Variants in PIGB observed in about 807,000 individuals in gnomAD.
PIGB encodes the protein GPI alpha-1,2-mannosyltransferase 3.
PIGB carries 58 observed loss-of-function variants against 68.4 expected under a neutral mutation model. That is an observed-to-expected ratio of 0.85 (90% CI 0.69 to 1.06). PIGB has a LOEUF of 1.06. Ranked by LOEUF, PIGB falls within the 50% of genes least tolerant of loss-of-function variation. The pLI, the probability that PIGB is intolerant of heterozygous loss-of-function variation, is 0.00. For missense variants in PIGB, 634 were observed against 655.8 expected (o/e 0.97, Z 0.36); for synonymous variants, 219 against 220.5 (o/e 0.99, Z 0.06).
At chr15:55,337,574 C>G (rs556917746) in intron 6 of PIGB, among the ~76,000 whole-genome samples, 16 of 152,314 alleles carry the variant, frequency 1.1e-4, no homozygotes, top group African/African-American at 3.8e-4. Flanking sequence ...GCCCCACTCC[C>G]ACCCCCGCAA....
chr15:55,322,166 C>A (rs1237711020), intron 3 of PIGB, among the ~76,000 whole-genome samples: 4 of 151,888 alleles, frequency 2.6e-5, no homozygotes, highest in Non-Finnish European at 4.4e-5. Flanking sequence ...AAAAGCGAAA[C>A]TCCTTCCCCC....
At chr15:55,339,871 G>T (rs1418427261) in intron 7 of PIGB, among the ~76,000 whole-genome samples, 1 of 152,150 alleles carries the variant, frequency 6.6e-6, no homozygotes, top group Non-Finnish European at 1.5e-5. Flanking sequence ...GTGGGGAAGG[G>T]TGAGAGAGGG....
chr15:55,340,631 A>G lies in PIGB; in HGVS notation c.866A>G (p.Asn289Ser). 1.9e-6 allele frequency: 3 copies of G among 1,611,020 alleles called. No homozygotes were observed. The highest frequency in any genetic ancestry group is 2.5e-6 in the Non-Finnish European group (3 of 1,178,402). Residue 289 changes from asparagine to serine, a missense_variant, in exon 8 of 12, where the codon AAT (asparagine) becomes AGT (serine). Physicochemically the swap from Asn to Ser is conservative, Grantham distance 46. Coordinates refer to ENST00000164305, the MANE Select transcript of PIGB (RefSeq NM_004855.5). ...TGCCAGTGGACTCTGGTTCAATTTA[A>G]TTTTTTGAAATTTAACGTGCTGCAG... ...FFGQWTLVQF[N>S]FLKFNVLQNW...
At chr15:55,338,919 A>C (rs1343766296) in intron 6 of PIGB, among the ~76,000 whole-genome samples, 1 of 152,236 alleles carries the variant, frequency 6.6e-6, no homozygotes, top group Non-Finnish European at 1.5e-5. Flanking sequence ...ACCTCGAGCC[A>C]GAGGCACCCA....
rs1566949004 is a variant in PIGB at position 55,327,636 on chromosome 15, G to GT, written c.522+2dup. ...AAATCAGGAAGTGGCAAGATGGGTG[G>GT]TAAGTCCTAAATACTTTAGAAGCTG... On this transcript the variant is annotated splice_donor_variant, in intron 4 of 11. Transcript: ENST00000164305. LOFTEE classifies it high-confidence loss of function. The GT allele has an allele frequency of 3.2e-6, 5 of 1,567,968 alleles. No individual in the cohort carries two copies. The highest frequency in any genetic ancestry group is 4.4e-6 in the Non-Finnish European group (5 of 1,139,920).
chr15:55,319,671 A>G, intron 1 of PIGB: 1 of 328,558 alleles, frequency 3.0e-6, no homozygotes, highest in Non-Finnish European at 5.6e-6. Context: ...CTTTGGAGAC[A>G]TCACACAGAC....
rs1178942763 is a variant in PIGB at position 55,320,302 on chromosome 15, T to C, written c.191T>C (p.Leu64Pro). 6.2e-7 allele frequency: 1 copy of C among 1,613,082 alleles called. No individual in the cohort carries two copies. The highest frequency in any genetic ancestry group is 8.5e-7 in the Non-Finnish European group (1 of 1,179,394). Residue 64 changes from leucine to proline, a missense_variant, in exon 2 of 12, where the codon CTC becomes CCC. Coordinates refer to ENST00000164305, the MANE Select transcript of PIGB (RefSeq NM_004855.5). ...CTTCTTGGAGAAAATATTTATCTGC[T>C]CTTGTTTACCATAGCTTTACGAATA... is the stretch of plus-strand genomic sequence containing the variant. ...GDLLGENIYL[L>P]LFTIALRILN...
intron 3 of PIGB, chr15:55,324,869 G>C: frequency 2.2e-6 from 2 of 924,196 alleles, no homozygotes; most frequent in Non-Finnish European, 2.6e-6. Flanking sequence ...GTATTTTACA[G>C]GGCACAGTTT....
intron 2 of PIGB, among the ~76,000 whole-genome samples, chr15:55,320,795 G>A (rs559122421): frequency 6.6e-5 from 10 of 152,232 alleles, no homozygotes; most frequent in Admixed American, 2.0e-4. Flanking sequence ...CCACAGATAA[G>A]GGGGGACTAC....
intron 5 of PIGB, among the ~76,000 whole-genome samples, chr15:55,331,510 T>C (rs1396540347): frequency 6.6e-6 from 1 of 152,050 alleles, no homozygotes; most frequent in South Asian, 2.1e-4. Flanking sequence ...GGTCGGGAGT[T>C]CGAGACCAGC....
At chr15:55,344,607 C>T (rs1450748512) in intron 9 of PIGB, among the ~76,000 whole-genome samples, 2 of 152,158 alleles carry the variant, frequency 1.3e-5, no homozygotes, top group Non-Finnish European at 2.9e-5. Context: ...TTTGAATTTC[C>T]CTTAGTCCTA....
At chr15:55,340,405 G>A (rs1005021392) in intron 7 of PIGB, 82 of 275,458 alleles carry the variant, frequency 3.0e-4, no homozygotes, top group African/African-American at 1.7e-4. Flanking sequence ...GCAGTGAGCC[G>A]AGATCGCGCC....
intron 9 of PIGB, among the ~76,000 whole-genome samples, chr15:55,347,873 ATGT>A: frequency 6.6e-6 from 1 of 151,702 alleles, no homozygotes; most frequent in Non-Finnish European, 1.5e-5. Context: ...AAACACAAGC[ATGT>A]TATCTTCCAG....
At chr15:55,326,206 A>G (rs574000664) in intron 3 of PIGB, among the ~76,000 whole-genome samples, 197 of 152,102 alleles carry the variant, frequency 1.3e-3, no homozygotes, top group African/African-American at 4.5e-3. Flanking sequence ...CCAAAAAAAA[A>G]AAGACTCCGT....
chr15:55,324,574 T>G (rs1158879434), intron 3 of PIGB, among the ~76,000 whole-genome samples: 1 of 152,222 alleles, frequency 6.6e-6, no homozygotes, highest in East Asian at 1.9e-4. Flanking sequence ...CTAGACACTT[T>G]GTAATTTATT....
At position 55,350,894 on chromosome 15, in the gene PIGB, A is replaced by C; in HGVS notation, c.1319A>C (p.His440Pro). The change falls in exon 10 of 12, where the codon CAC becomes CCC. Residue 440 changes from histidine (H) to proline (P), a missense_variant. Coordinates refer to ENST00000164305, the MANE Select transcript of PIGB (RefSeq NM_004855.5). Reference protein sequence around the residue: ...SASIFIMMPCHSTPYYSHVHC... With the variant: ...SASIFIMMPCPSTPYYSHVHC... Reference sequence around the variant, plus strand: ...TCAATATTTATAATGATGCCTTGCCACTCTACTCCTTATTACAGGTAATAA... The same window carrying C: ...TCAATATTTATAATGATGCCTTGCCCCTCTACTCCTTATTACAGGTAATAA... 2 of 1,577,590 alleles carry C rather than the reference A, an allele frequency of 1.3e-6. No homozygotes were observed. Among genetic ancestry groups the C allele is most frequent in the Non-Finnish European group, 1.7e-6 (2 of 1,147,886 alleles).
At chr15:55,327,251 T>C (rs548113425) in intron 3 of PIGB, among the ~76,000 whole-genome samples, 2 of 146,490 alleles carry the variant, frequency 1.4e-5, no homozygotes, top group South Asian at 2.1e-4. Context: ...ATATATTTTA[T>C]ATATAACATA....
intron 3 of PIGB, 58 bp downstream of exon 3, chr15:55,321,448 G>A: frequency 6.9e-7 from 1 of 1,440,964 alleles, no homozygotes; most frequent in Non-Finnish European, 9.4e-7. Context: ...GTTTTTAAAA[G>A]GCTACTGTTG....
chr15:55,344,890 CTTTTTTTTTT>C (rs1164109873), intron 9 of PIGB, among the ~76,000 whole-genome samples: 2 of 98,904 alleles, frequency 2.0e-5, no homozygotes, highest in African/African-American at 4.2e-5. Flanking sequence ...ATATTCTTAT[CTTTTTTTTTT>C]TTTTTTTTTT....
Sources: allele counts gnomAD v4.1 joint callset (sites outside exome capture counted in the v4.1 genomes callset), GRCh38; gene constraint gnomAD v4.1.1; transcripts MANE v1.5; gene names NCBI Gene and HGNC (gene_info 2026-07-23, HGNC 2026-07-21).